ZNF423: variants seen among roughly 807,000 people sequenced by gnomAD.
ZNF423 encodes the protein Ebf-associated zinc finger protein.
A neutral mutation model predicts 95.8 loss-of-function variants in ZNF423; 12 were observed. That is an observed-to-expected ratio of 0.13 (90% CI 0.08 to 0.20). ZNF423 has a LOEUF of 0.20. ZNF423 is among the 10% of genes least tolerant of loss of function. The probability of loss-of-function intolerance (pLI) is 1.00; values close to 1 mark genes in which losing one functional copy is unlikely to be tolerated. For missense variants in ZNF423, 1,316 were observed against 1,737.1 expected, an observed-to-expected ratio of 0.76 and a Z score of 4.31; for synonymous variants, 749 against 711.9, an observed-to-expected ratio of 1.05 and a Z score of -0.83.
intron 3 of ZNF423, among the ~76,000 whole-genome samples, chr16:49,646,693 A>T (rs559152046): frequency 2.0e-5 from 3 of 151,034 alleles, no homozygotes; most frequent in Admixed American, 6.6e-5. Context: ...CCTCGGTAGG[A>T]ATCCTGAGTA....
chr16:49,518,396 T>C, intron 7 of ZNF423: 3 of 435,406 alleles, frequency 6.9e-6, no homozygotes, highest in Admixed American at 5.4e-5. Context: ...GTTTCCAAAT[T>C]TGTCATTTAG....
intron 1 of ZNF423, chr16:49,847,123 C>T (rs1019977297): frequency 1.3e-5 from 2 of 152,152 alleles, no homozygotes; most frequent in African/African-American, 2.4e-5. Context: ...GCCCAGGTAA[C>T]GAAAGGGCAA....
chr16:49,692,620 G>GCCGCACAGAAGCCAAGGGAACAA (rs2031827785), intron 3 of ZNF423, among the ~76,000 whole-genome samples: 1 of 152,222 alleles, frequency 6.6e-6, no homozygotes, highest in African/African-American at 2.4e-5. Flanking sequence ...CAAGGGAACA[G>GCCGCACAGAAGCCAAGGGAACAA]CCACACAGGG....
intron 5 of ZNF423, among the ~76,000 whole-genome samples, chr16:49,574,292 C>A (rs965287820): frequency 6.6e-6 from 1 of 152,134 alleles, no homozygotes; most frequent in Non-Finnish European, 1.5e-5. Context: ...AGCTGAGGCA[C>A]GAGGATCACT....
In ZNF423 at chr16:49,825,788, T is replaced by C. The variant is rs149443223; in HGVS notation, c.40+29947A>G. Reference sequence around the variant, plus strand: ...TGAGCGAGGGCGTGAATGAACGAAGTGGTCAGAAACAGACCATAACATCCA... The same window carrying C: ...TGAGCGAGGGCGTGAATGAACGAAGCGGTCAGAAACAGACCATAACATCCA... On this transcript the variant is annotated intron_variant, in intron 1 of 7. Transcript: ENST00000563137. Among the ~76,000 whole-genome samples, 4 of 152,326 alleles carry C rather than the reference T, an allele frequency of 2.6e-5. No individual in the cohort carries two copies. In the East Asian group the frequency reaches 7.7e-4, roughly 29 times the overall value.
chr16:49,840,741 T>TCACACACATGCA (rs558321471), intron 1 of ZNF423, among the ~76,000 whole-genome samples: 291 of 151,852 alleles, frequency 1.9e-3, no homozygotes, highest in Non-Finnish European at 3.4e-3. Flanking sequence ...ACACACAGAC[T>TCACACACATGCA]CACACACATG....
intron 5 of ZNF423, among the ~76,000 whole-genome samples, chr16:49,565,351 T>G (rs1353272761): frequency 6.6e-6 from 1 of 152,134 alleles, no homozygotes; most frequent in Admixed American, 6.5e-5. Context: ...CCTGAATACA[T>G]TATTGGCTTG....
At position 49,638,142 on chromosome 16, in the gene ZNF423, C is replaced by T; in HGVS notation, c.1034G>A (p.Gly345Asp). The change falls in exon 4 of 8, where the codon GGT becomes GAT. Residue 345 changes from glycine (G) to aspartate (D), a missense_variant. Transcript: ENST00000563137. The surrounding 1 kb of genome is among the most constrained non-coding windows in gnomAD (Gnocchi z 5.6). Reference protein sequence around the residue: ...MCPEQFSSVEGVYCHLDSHRQ... With the variant: ...MCPEQFSSVEDVYCHLDSHRQ... ...GTGGCTGTCCAGGTGGCAGTAGACACCTTCCACTGAGGAGAACTGCTCAGG... is the reference window on the plus strand; with the variant it reads ...GTGGCTGTCCAGGTGGCAGTAGACATCTTCCACTGAGGAGAACTGCTCAGG... 1 of 1,611,556 alleles carries T rather than the reference C, an allele frequency of 6.2e-7. No individual in the cohort carries two copies.
At chr16:49,580,226 A>G (rs1303104673) in intron 5 of ZNF423, among the ~76,000 whole-genome samples, 1 of 152,140 alleles carries the variant, frequency 6.6e-6, no homozygotes, top group Non-Finnish European at 1.5e-5. Flanking sequence ...CTCTCACGTC[A>G]TGGGAGCCAC....
In ZNF423 at chr16:49,558,655, C is replaced by T. The variant is rs139337548; in HGVS notation, c.3602-33161G>A. Among the ~76,000 whole-genome samples, 56 of 152,336 alleles carry T rather than the reference C, an allele frequency of 3.7e-4. 1 individual carries two copies. In the South Asian group the frequency reaches 0.011, roughly 31 times the overall value. On this transcript the variant is annotated intron_variant, in intron 5 of 7. Transcript: ENST00000563137. ...GCTAAGGGATCCACACACACCCACA[C>T]ACACGCACACACTTGTACATGCACA...
At chr16:49,732,799 G>A (rs1211179065) in intron 2 of ZNF423, among the ~76,000 whole-genome samples, 3 of 152,322 alleles carry the variant, frequency 2.0e-5, no homozygotes, top group East Asian at 1.9e-4. Flanking sequence ...CCAAGCACCC[G>A]ACATCAAGAA....
intron 3 of ZNF423, among the ~76,000 whole-genome samples, chr16:49,715,777 C>T (rs2032687452): frequency 1.3e-5 from 2 of 151,114 alleles, no homozygotes; most frequent in Admixed American, 1.3e-4. Flanking sequence ...GTGGCTCACA[C>T]CTGTAATCCC....
chr16:49,637,893 T>C lies in ZNF423; in HGVS notation c.1283A>G (p.Asn428Ser). 6.2e-7 allele frequency: 1 copy of C among 1,614,146 alleles called. No individual in the cohort carries two copies. Among genetic ancestry groups the C allele is most frequent in the Non-Finnish European group, 8.5e-7 (1 of 1,180,032 alleles). Residue 428 changes from asparagine to serine, a missense_variant, in exon 4 of 8, where the codon AAC becomes AGC. Coordinates refer to ENST00000563137, the MANE Select transcript of ZNF423 (RefSeq NM_001379286.1). This position sits in a 1 kb window ranked among gnomAD's most constrained non-coding sequence, Gnocchi z 5.6. ...SCPYCSKRDF[N>S]SLAVLEIHLK... ...GTGGATCTCCAGCACGGCCAGGCTG[T>C]TAAAGTCCCGCTTGGAACAATAGGG...
chr16:49,491,321 A>G lies in ZNF423; in HGVS notation c.3850-17T>C, dbSNP rs751372572. 1 of 1,613,972 alleles carries G rather than the reference A, an allele frequency of 6.2e-7. No homozygotes were observed. The highest frequency in any genetic ancestry group is 1.1e-5 in the South Asian group (1 of 91,082). Reference sequence around the variant, plus strand: ...CGTGTGGTTCTGCAAAGGCGAAGAAAGGAGACACACATGAAGGAGAAGAAT... The same window carrying G: ...CGTGTGGTTCTGCAAAGGCGAAGAAGGGAGACACACATGAAGGAGAAGAAT... On this transcript the variant is annotated splice_polypyrimidine_tract_variant and intron_variant, in intron 7 of 7. Transcript: ENST00000563137.
chr16:49,582,794 T>C (rs975594089), intron 5 of ZNF423, among the ~76,000 whole-genome samples: 1 of 152,206 alleles, frequency 6.6e-6, no homozygotes, highest in Non-Finnish European at 1.5e-5. Flanking sequence ...TCAACCTATG[T>C]TGATGAAAAA....
At chr16:49,765,226 G>C (rs1161859555) in intron 2 of ZNF423, among the ~76,000 whole-genome samples, 1 of 152,142 alleles carries the variant, frequency 6.6e-6, no homozygotes, top group Non-Finnish European at 1.5e-5. Flanking sequence ...GTGTTTGCCA[G>C]GGCCTGGGAA....
Position 49,709,062 on chromosome 16 carries a change from T to C in ZNF423, c.301+21709A>G, listed in dbSNP as rs375954733. On this transcript the variant is annotated intron_variant, in intron 3 of 7. Coordinates refer to ENST00000563137, the MANE Select transcript of ZNF423 (RefSeq NM_001379286.1). The stretch of plus-strand genomic sequence containing the variant: ...GCAAACATTTACAAGACACCTACTA[T>C]GTACCAGGCCCTGAGGACATAAGGA... Among the ~76,000 whole-genome samples, 7 of 151,944 alleles carry C rather than the reference T, an allele frequency of 4.6e-5. No individual in the cohort carries two copies. The South Asian group carries it at 8.4e-4, about 18-fold the overall frequency.
intron 5 of ZNF423, among the ~76,000 whole-genome samples, chr16:49,601,931 GT>G (rs1184492673): frequency 6.6e-6 from 1 of 152,230 alleles, no homozygotes. Context: ...CAACCTTCAT[GT>G]CTCTAGGTGA....
At chr16:49,599,771 G>C (rs1971299060) in intron 5 of ZNF423, among the ~76,000 whole-genome samples, 1 of 152,198 alleles carries the variant, frequency 6.6e-6, no homozygotes, top group Admixed American at 6.5e-5. Context: ...CAGGATGCAT[G>C]GGGCGATTCA....
Sources: allele counts gnomAD v4.1 joint callset (sites outside exome capture counted in the v4.1 genomes callset), GRCh38; gene constraint gnomAD v4.1.1; non-coding constraint Gnocchi (gnomAD v3.1); transcripts MANE v1.5; gene names NCBI Gene and HGNC (gene_info 2026-07-23, HGNC 2026-07-21).